The following ERCC6L2 variants were observed in gnomAD, a reference collection of about 807,000 sequenced individuals.
ERCC6L2 encodes ERCC excision repair 6 like 2.
A neutral mutation model predicts 132.0 loss-of-function variants in ERCC6L2; 77 were observed. The observed-to-expected ratio is 0.58, with a 90% CI of 0.49 to 0.71. ERCC6L2 has a LOEUF of 0.71. Ranked by LOEUF, ERCC6L2 falls within the 30% of genes least tolerant of loss-of-function variation. The probability of loss-of-function intolerance (pLI) is 0.00; values close to 1 mark genes in which losing one functional copy is unlikely to be tolerated. For missense variants in ERCC6L2, 1,542 were observed against 1,837.6 expected, an observed-to-expected ratio of 0.84 and a Z score of 2.94; for synonymous variants, 583 against 632.4, an observed-to-expected ratio of 0.92 and a Z score of 1.17.
At chr9:95,920,170 A>G in intron 6 of ERCC6L2, among the ~76,000 whole-genome samples, 1 of 152,196 alleles carries the variant, frequency 6.6e-6, no homozygotes. Flanking sequence ...ATGTTTCTGT[A>G]AAGTTACACC....
chr9:95,976,428 G>A (rs1832674324), intron 16 of ERCC6L2, among the ~76,000 whole-genome samples: 1 of 152,120 alleles, frequency 6.6e-6, no homozygotes, highest in Admixed American at 6.6e-5. Flanking sequence ...GCATTGAAGA[G>A]CAACAAACCT....
chr9:96,001,678 C>T (rs1392157243), intron 17 of ERCC6L2, among the ~76,000 whole-genome samples: 1 of 152,268 alleles, frequency 6.6e-6, no homozygotes, highest in East Asian at 1.9e-4. Context: ...CGCACCGGGG[C>T]TGCAGGTGGA....
intron 2 of ERCC6L2, among the ~76,000 whole-genome samples, chr9:95,883,601 C>T (rs927061096): frequency 1.3e-5 from 2 of 152,238 alleles, no homozygotes; most frequent in South Asian, 4.1e-4. Context: ...TGGTTCACAC[C>T]TGTAATCCCA....
chr9:95,895,970 C>G (rs1348541981), intron 2 of ERCC6L2, among the ~76,000 whole-genome samples: 1 of 152,178 alleles, frequency 6.6e-6, no homozygotes, highest in Admixed American at 6.5e-5. Context: ...TCGTGATCCA[C>G]CCACCTTGGC....
chr9:96,034,785 A>G (rs1291347364), intron 19 of ERCC6L2, among the ~76,000 whole-genome samples: 2 of 151,106 alleles, frequency 1.3e-5, no homozygotes, highest in Non-Finnish European at 2.9e-5. Context: ...GACTACAGCC[A>G]CCCAAACTGT....
rs375788159 is a variant in ERCC6L2 at position 96,040,231 on chromosome 9, C to T, written c.*1755+1104C>T. Among the ~76,000 whole-genome samples, 1,172 of 149,044 alleles carry T rather than the reference C, an allele frequency of 7.9e-3. 18 individuals are homozygous for T. Among genetic ancestry groups the T allele is most frequent in the African/African-American group, 0.027 (1,101 of 40,348 alleles). On this transcript the variant is annotated intron_variant and NMD_transcript_variant, in intron 20 of 20. Coordinates refer to the ERCC6L2 transcript ENST00000670016. The stretch of plus-strand genomic sequence containing the variant: ...TGTGATGGCCGCCAGCCTCTGCACT[C>T]TTCCTGCTCATGTCCTTGTCCCCTT...
chr9:95,982,021 T>C (rs1832914295), intron 17 of ERCC6L2, among the ~76,000 whole-genome samples: 1 of 152,158 alleles, frequency 6.6e-6, no homozygotes, highest in Admixed American at 6.5e-5. Context: ...TATAAATTGG[T>C]ACAAGTATCA....
At chr9:95,899,393 G>A (rs925101324) in intron 3 of ERCC6L2, among the ~76,000 whole-genome samples, 11 of 151,872 alleles carry the variant, frequency 7.2e-5, no homozygotes, top group East Asian at 5.8e-4. Context: ...TTGAGGCTGC[G>A]GTGAGCCATG....
At chr9:95,951,810 TCCCAATAAAGTAAAG>T (rs1216713010) in intron 12 of ERCC6L2, among the ~76,000 whole-genome samples, 1 of 151,882 alleles carries the variant, frequency 6.6e-6, no homozygotes, top group Non-Finnish European at 1.5e-5. Context: ...ATCAAAAACC[TCCCAATAAAGTAAAG>T]CCCAGGACCT....
rs149451959 is a variant in ERCC6L2 at position 95,962,830 on chromosome 9, A to G, written c.1948-3732A>G. On this transcript the variant is annotated intron_variant, in intron 13 of 18. Transcript: ENST00000653738. Reference sequence around the variant, plus strand: ...CACTTTAGACCTAATGGTGTTTTCAACTTACAATGGGTTTATCTAGATATA... The same window carrying G: ...CACTTTAGACCTAATGGTGTTTTCAGCTTACAATGGGTTTATCTAGATATA... Among the ~76,000 whole-genome samples, 9 of 152,294 alleles carry G rather than the reference A, an allele frequency of 5.9e-5. No homozygotes were observed. The East Asian group carries it at 1.2e-3, about 20-fold the overall frequency.
intron 5 of ERCC6L2, 93 bp from the exon 6 acceptor site, chr9:95,916,134 G>A: frequency 8.6e-7 from 1 of 1,164,334 alleles, no homozygotes; most frequent in Non-Finnish European, 1.2e-6. Flanking sequence ...TGTTACCGTT[G>A]ATAATCAAGT....
intron 19 of ERCC6L2, among the ~76,000 whole-genome samples, chr9:96,025,359 T>C (rs1028355349): frequency 1.3e-5 from 2 of 152,132 alleles, no homozygotes; most frequent in African/African-American, 4.8e-5. Context: ...TCAAGTTCTA[T>C]AGGAAGGAGG....
At chr9:95,942,665 A>T (rs561924193) in intron 12 of ERCC6L2, among the ~76,000 whole-genome samples, 24 of 152,168 alleles carry the variant, frequency 1.6e-4, no homozygotes, top group Non-Finnish European at 2.6e-4. Context: ...AGTAAAGAGA[A>T]ATTGAGGAAA....
intron 6 of ERCC6L2, among the ~76,000 whole-genome samples, chr9:95,920,924 G>A (rs560930516): frequency 7.8e-4 from 119 of 152,230 alleles, no homozygotes; most frequent in African/African-American, 2.6e-3. Flanking sequence ...CTACAGGCGC[G>A]TGGCACCACG....
At chr9:96,019,107 A>G (rs1318900556), downstream of ERCC6L2, among the ~76,000 whole-genome samples, 4 of 151,452 alleles carry the variant, frequency 2.6e-5, no homozygotes, top group East Asian at 7.9e-4. Context: ...TTGTCAGACT[A>G]AAATGTCTGG....
intron 11 of ERCC6L2, among the ~76,000 whole-genome samples, chr9:95,931,007 G>A (rs1009710681): frequency 3.9e-5 from 6 of 152,102 alleles, no homozygotes; most frequent in East Asian, 3.9e-4. Context: ...GCAAAAAAGC[G>A]TTTACATTAC....
intron 19 of ERCC6L2, among the ~76,000 whole-genome samples, chr9:96,026,631 CCACA>C (rs1043397654): frequency 9.3e-5 from 14 of 151,150 alleles, no homozygotes; most frequent in East Asian, 3.9e-4. Flanking sequence ...ACTATACACA[CCACA>C]CACACAAACA....
chr9:95,954,055 C>A (rs1831476169), intron 12 of ERCC6L2, among the ~76,000 whole-genome samples: 1 of 152,160 alleles, frequency 6.6e-6, no homozygotes, highest in Non-Finnish European at 1.5e-5. Context: ...CTCAGAATAT[C>A]CATATGTGAT....
At chr9:95,961,825 A>G (rs537450544) in intron 13 of ERCC6L2, among the ~76,000 whole-genome samples, 2 of 152,280 alleles carry the variant, frequency 1.3e-5, no homozygotes, top group African/African-American at 4.8e-5. Context: ...AGGCCTCACA[A>G]TCATGGCAGA....
Sources: allele counts gnomAD v4.1 joint callset (sites outside exome capture counted in the v4.1 genomes callset), GRCh38; gene constraint gnomAD v4.1.1; transcripts MANE v1.5; gene names NCBI Gene and HGNC (gene_info 2026-07-23, HGNC 2026-07-21).